Variants in ATXN2L observed in about 807,000 individuals in gnomAD.
ATXN2L encodes ataxin 2 like.
A neutral mutation model predicts 120.7 loss-of-function variants in ATXN2L; 24 were observed. The observed-to-expected ratio is 0.20, with a 90% confidence interval of 0.14 to 0.28. ATXN2L has a LOEUF of 0.28. Ranked by LOEUF, ATXN2L falls within the 10% of genes least tolerant of loss-of-function variation. ATXN2L has a pLI of 1.00. For synonymous variants in ATXN2L, 653 were observed against 568.1 expected, an observed-to-expected ratio of 1.15 and a Z score of -2.13; for missense variants, 1,312 against 1,432.3, an observed-to-expected ratio of 0.92 and a Z score of 1.36.
chr16:28,823,235 A>C lies in ATXN2L; in HGVS notation c.-25A>C, dbSNP rs372126467. ...CCCCCTCTCTCCCTCCCTTCTCTCT[A>C]ATTCCCCTTCCGGACGCTGCCATCA... On this transcript the variant is annotated 5_prime_UTR_variant, in exon 1 of 22. Transcript: ENST00000336783. 152 of 1,400,124 alleles carry C rather than the reference A, an allele frequency of 1.1e-4. No homozygotes were observed. Among genetic ancestry groups the C allele is most frequent in the Non-Finnish European group, 1.1e-4 (122 of 1,074,236 alleles). The allele number at this position is 1,400,124 out of a possible 1,614,324, so 86.7% of individuals were successfully genotyped here.
intron 7 of ATXN2L, 43 bp downstream of exon 7, chr16:28,829,535 G>A: frequency 1.4e-6 from 2 of 1,386,868 alleles, no homozygotes; most frequent in African/African-American, 2.8e-5. Context: ...TGGTGATATG[G>A]GGTCACTAAG....
At position 28,823,434 on chromosome 16, in the gene ATXN2L, C is replaced by G. The variant is rs1249779456; in HGVS notation, c.175C>G (p.Leu59Val). 7.6e-7 allele frequency: 1 copy of G among 1,319,146 alleles called. No individual in the cohort carries two copies. The highest frequency in any genetic ancestry group is 9.6e-7 in the Non-Finnish European group (1 of 1,040,232). The allele number at this position is 1,319,146 out of a possible 1,614,324, so 81.7% of individuals were successfully genotyped here. Residue 59 changes from leucine (L) to valine (V), a missense_variant, in exon 1 of 22, where the codon CTG becomes GTG. Transcript: ENST00000336783. ...GCCTCCAGCGGCCGCCTCCCCCTGC[C>G]TGGGGCCTGTGGCCGCTGCCGGGAG... ...PGPPAAASPCLGPVAAAGSGL... is the reference protein window; with the variant it reads ...PGPPAAASPCVGPVAAAGSGL...
Position 28,835,515 on chromosome 16 carries a change from C to G in ATXN2L, c.2686-34C>G, listed in dbSNP as rs748416959. The G allele has an allele frequency of 2.5e-6, 4 of 1,611,588 alleles. No individual in the cohort carries two copies. The Admixed American group carries it at 6.7e-5, about 27-fold the overall frequency. On this transcript the variant is annotated intron_variant, in intron 20 of 21. Coordinates refer to ENST00000336783, the MANE Select transcript of ATXN2L (RefSeq NM_007245.4). ...GGACTGGGGGCCAGCGAGTTGCTGG[C>G]CTGTGTGGCACTCAACCTTCCCCTC... is the stretch of plus-strand genomic sequence containing the variant.
At position 28,830,148 on chromosome 16, in the gene ATXN2L, C is replaced by T. The variant is rs138997462; in HGVS notation, c.1034+90C>T. On this transcript the variant is annotated intron_variant, in intron 8 of 21. Transcript: ENST00000336783. ...AGTTGATGAGTGCTGTGGTTTAAGC[C>T]TTGTGACCATGTAAAATGTCATACA... The T allele has an allele frequency of 1.8e-4, 237 of 1,286,228 alleles. 1 individual carries two copies. The East Asian group carries it at 5.9e-3, about 32-fold the overall frequency. The allele number at this position is 1,286,228 out of a possible 1,614,324, so 79.7% of individuals were successfully genotyped here. A position where few individuals can be genotyped will look rare whatever the true frequency, so the allele number is the denominator to read the frequency against.
intron 3 of ATXN2L, 26 bp downstream of exon 3, chr16:28,825,706 T>C: frequency 6.2e-7 from 1 of 1,613,812 alleles, no homozygotes; most frequent in Non-Finnish European, 8.5e-7. Context: ...ACCCCCGGGT[T>C]GTTTAAGGAA....
At chr16:28,826,437 G>T (rs1197119026) in intron 5 of ATXN2L, 47 bp downstream of exon 5, 2 of 1,580,852 alleles carry the variant, frequency 1.3e-6, no homozygotes, top group South Asian at 1.1e-5. Context: ...GTGCATAGAG[G>T]ACAGAGGGTA....
chr16:28,830,521 G>A, intron 8 of ATXN2L, 94 bp from the exon 9 acceptor site: 1 of 1,239,082 alleles, frequency 8.1e-7, no homozygotes, highest in Admixed American at 2.5e-5. Flanking sequence ...TATGTTTGGG[G>A]GCAGAAGGGG....
intron 11 of ATXN2L, 45 bp from the exon 12 acceptor site, chr16:28,832,451 G>A (rs1290361251): frequency 6.8e-6 from 11 of 1,612,420 alleles, no homozygotes; most frequent in South Asian, 6.6e-5. Context: ...GTGATTTGTG[G>A]TTCTGGACAG....
At chr16:28,834,033 C>A (rs776067661) in intron 15 of ATXN2L, 32 bp from the exon 16 acceptor site, 2 of 1,605,770 alleles carry the variant, frequency 1.2e-6, no homozygotes, top group Non-Finnish European at 1.7e-6. Flanking sequence ...GGGGAAAATA[C>A]AAAATAAAAT....
Position 28,832,602 on chromosome 16 carries a change from C to T in ATXN2L, c.1588+35C>T, listed in dbSNP as rs186079440. 76 of 1,596,742 alleles carry T rather than the reference C, an allele frequency of 4.8e-5. No homozygotes were observed. The African/African-American group carries it at 9.1e-4, about 19-fold the overall frequency. On this transcript the variant is annotated intron_variant, in intron 12 of 21. Coordinates refer to ENST00000336783, the MANE Select transcript of ATXN2L (RefSeq NM_007245.4). ...GTTTTTTTTCTGCTGAGGATTAATG[C>T]TCCTTTGTCTGGGGGAGAGTATTTC...
At chr16:28,829,290 A>G in intron 6 of ATXN2L, 111 bp from the exon 7 acceptor site, 1 of 760,430 alleles carries the variant, frequency 1.3e-6, no homozygotes, top group Non-Finnish European at 2.3e-6. Flanking sequence ...GGTTTCAGCC[A>G]CTGTGCCCAG....
chr16:28,826,138 G>C, intron 4 of ATXN2L, 102 bp from the exon 5 acceptor site: 6 of 1,436,470 alleles, frequency 4.2e-6, no homozygotes, highest in Non-Finnish European at 3.8e-6. Context: ...AGTTTGGGAA[G>C]GGTAAGAGAA....
chr16:28,834,747 A>T, intron 18 of ATXN2L, 54 bp downstream of exon 18: 1 of 1,542,166 alleles, frequency 6.5e-7, no homozygotes, highest in Non-Finnish European at 8.8e-7. Context: ...TAGGGATCCC[A>T]TCTTCTCCAG....
chr16:28,826,171 T>G, intron 4 of ATXN2L, 69 bp from the exon 5 acceptor site: 1 of 1,572,436 alleles, frequency 6.4e-7, no homozygotes, highest in Non-Finnish European at 8.7e-7. Context: ...TTAAGAGAAA[T>G]CCAGTTCTAT....
intron 10 of ATXN2L, 32 bp downstream of exon 10, chr16:28,831,104 G>T (rs767256529): frequency 7.0e-6 from 10 of 1,432,130 alleles, no homozygotes; most frequent in East Asian, 2.3e-5. Context: ...ATGAAGAAAT[G>T]GATGGAAATT....
chr16:28,829,623 C>T, intron 7 of ATXN2L, 131 bp downstream of exon 7: 1 of 789,666 alleles, frequency 1.3e-6, no homozygotes, highest in Non-Finnish European at 2.1e-6. Flanking sequence ...CCTACTCCTA[C>T]TCTGCCTTGT....
At chr16:28,831,382 C>T (rs1221221446) in intron 10 of ATXN2L, among the ~76,000 whole-genome samples, 5 of 152,064 alleles carry the variant, frequency 3.3e-5, no homozygotes, top group Admixed American at 2.0e-4. Context: ...GGCCAGAGTA[C>T]GGTGGCGCCA....
chr16:28,826,632 T>A, intron 5 of ATXN2L: 2 of 607,574 alleles, frequency 3.3e-6, no homozygotes, highest in Non-Finnish European at 5.4e-6. Flanking sequence ...TCATATTTTC[T>A]TTGCTTGGTT....
rs997536609 is a variant in ATXN2L, at chr16:28,823,513, A to C, written c.254A>C (p.Gln85Pro). ...GILAPQPPPP[Q>P]QHQERPGAAA... ...TTGGCGCCGCAGCCGCCGCCGCCGC[A>C]GCAACACCAGGAGAGGCCGGGGGCA... The change falls in exon 1 of 22, where the codon CAG (glutamine) becomes CCG (proline). Residue 85 changes from glutamine (Q) to proline (P), a missense_variant. Transcript: ENST00000336783. 1 of 1,390,244 alleles carries C rather than the reference A, an allele frequency of 7.2e-7. No individual in the cohort carries two copies. Among genetic ancestry groups the C allele is most frequent in the East Asian group, 3.1e-5 (1 of 32,594 alleles). 86.1% of individuals were successfully genotyped at this position (1,390,244 alleles called of 1,614,324 possible).
Sources: allele counts gnomAD v4.1 joint callset (sites outside exome capture counted in the v4.1 genomes callset), GRCh38; gene constraint gnomAD v4.1.1; transcripts MANE v1.5; gene names NCBI Gene and HGNC (gene_info 2026-07-23, HGNC 2026-07-21).